ICA1: variants seen among roughly 807,000 people sequenced by gnomAD.
The protein encoded by ICA1 is 69 kDa islet cell autoantigen.
A neutral mutation model predicts 71.0 loss-of-function variants in ICA1; 40 were observed. The ratio of observed to expected loss-of-function variants is 0.56; its 90% CI spans 0.44 to 0.73. The LOEUF (loss-of-function observed/expected upper bound fraction) is 0.73, where lower values mean the gene tolerates loss of function less well. Ranked by LOEUF, ICA1 falls within the 30% of genes least tolerant of loss-of-function variation. The probability of loss-of-function intolerance (pLI) is 0.00; values close to 1 mark genes in which losing one functional copy is unlikely to be tolerated. For synonymous variants in ICA1, 207 were observed against 209.5 expected (o/e 0.99, Z 0.10); for missense variants, 578 against 576.5 (o/e 1.00, Z -0.03).
At chr7:8,190,218 G>C (rs1413487095) in intron 6 of ICA1, among the ~76,000 whole-genome samples, 1 of 147,400 alleles carries the variant, frequency 6.8e-6, no homozygotes, top group African/African-American at 2.5e-5. Flanking sequence ...GTTTCTTCCA[G>C]TTTTTTTTTT....
Position 8,113,840 on chromosome 7 carries a change from C to T in ICA1, c.*83G>A. Reference sequence around the variant, plus strand: ...AAATGGCACATAATTATTAAAACAGCATACTGATCACTTTATACTTCTGCT... The same window carrying T: ...AAATGGCACATAATTATTAAAACAGTATACTGATCACTTTATACTTCTGCT... On this transcript the variant is annotated 3_prime_UTR_variant, in exon 14 of 14. Transcript: ENST00000402384. This position sits in a 1 kb window ranked among gnomAD's most constrained non-coding sequence, Gnocchi z 4.2. 1 of 1,419,072 alleles carries T rather than the reference C, an allele frequency of 7.0e-7. No individual in the cohort carries two copies. The highest frequency in any genetic ancestry group is 1.7e-5 in the Admixed American group (1 of 58,288). 87.9% of individuals were successfully genotyped at this position (1,419,072 alleles called of 1,614,324 possible). A position where few individuals can be genotyped will look rare whatever the true frequency, so the allele number is the denominator to read the frequency against.
intron 7 of ICA1, 157 bp from the exon 8 acceptor site, chr7:8,157,371 T>G: frequency 1.4e-6 from 1 of 719,160 alleles, no homozygotes; most frequent in Non-Finnish European, 2.2e-6. Flanking sequence ...ACACTCTGTA[T>G]TTCAGCCAAA....
At chr7:8,221,616 C>T in intron 4 of ICA1, among the ~76,000 whole-genome samples, 1 of 152,204 alleles carries the variant, frequency 6.6e-6, no homozygotes, top group East Asian at 1.9e-4. Flanking sequence ...CACTTGAATA[C>T]ATCTGTCAGT....
chr7:8,214,598 C>T (rs1794813196), intron 6 of ICA1, among the ~76,000 whole-genome samples: 1 of 152,194 alleles, frequency 6.6e-6, no homozygotes, highest in South Asian at 2.1e-4. Context: ...TGGCAGGGTC[C>T]TTCTTGAAGG....
rs1779532808 is a variant in ICA1 at position 8,173,527 on chromosome 7, G to T, written c.580-14875C>A. Among the ~76,000 whole-genome samples, 1 of 152,152 alleles carries T rather than the reference G, an allele frequency of 6.6e-6. No homozygotes were observed. The highest frequency in any genetic ancestry group is 2.1e-4 in the South Asian group (1 of 4,830). On this transcript the variant is annotated intron_variant, in intron 6 of 13. Transcript: ENST00000402384. This position sits in a 1 kb window ranked among gnomAD's most constrained non-coding sequence, Gnocchi z 4.0. ...AATTCAATATTTTGACAAAGAAAAAGAAACAAACATTTATCCTGCATATCC... is the reference window on the plus strand; with the variant it reads ...AATTCAATATTTTGACAAAGAAAAATAAACAAACATTTATCCTGCATATCC...
intron 8 of ICA1, 130 bp downstream of exon 8, chr7:8,156,986 G>T (rs889242843): frequency 2.5e-6 from 4 of 1,580,416 alleles, no homozygotes; most frequent in Admixed American, 1.8e-5. Context: ...AGACTCTGCT[G>T]GGGGCACAGT....
chr7:8,215,212 A>G (rs1454135849), intron 6 of ICA1, among the ~76,000 whole-genome samples: 1 of 151,560 alleles, frequency 6.6e-6, no homozygotes, highest in East Asian at 1.9e-4. Flanking sequence ...TTCTAACCCC[A>G]TGGTCAGGGC....
chr7:8,205,124 C>A (rs1791068921), intron 6 of ICA1, among the ~76,000 whole-genome samples: 1 of 148,618 alleles, frequency 6.7e-6, no homozygotes, highest in Non-Finnish European at 1.5e-5. Context: ...CTAATTCTTT[C>A]AGCAGAGAAT....
chr7:8,150,872 G>T (rs1798556226), intron 8 of ICA1, among the ~76,000 whole-genome samples: 2 of 152,250 alleles, frequency 1.3e-5, no homozygotes, highest in Admixed American at 1.3e-4. Flanking sequence ...CCCCTGGGAA[G>T]CAGTGCATGG....
At chr7:8,230,075 T>C (rs966354580) in intron 3 of ICA1, among the ~76,000 whole-genome samples, 3 of 152,240 alleles carry the variant, frequency 2.0e-5, no homozygotes, top group African/African-American at 7.2e-5. Flanking sequence ...AACATAATCA[T>C]GCCCAAGGCA....
chr7:8,220,702 G>A (rs1029860279), intron 5 of ICA1, among the ~76,000 whole-genome samples: 2 of 152,066 alleles, frequency 1.3e-5, no homozygotes, highest in African/African-American at 2.4e-5. Flanking sequence ...CCAGAGCTTC[G>A]CAAACTTGAA....
intron 12 of ICA1, among the ~76,000 whole-genome samples, chr7:8,134,177 T>C (rs895028814): frequency 4.5e-4 from 68 of 152,186 alleles, no homozygotes; most frequent in African/African-American, 1.6e-3. Flanking sequence ...AGATGACAGA[T>C]CCATTCAGCA....
chr7:8,164,149 A>G (rs1172963777), intron 6 of ICA1, among the ~76,000 whole-genome samples: 2 of 152,010 alleles, frequency 1.3e-5, no homozygotes, highest in African/African-American at 2.4e-5. Flanking sequence ...TACTAAAAAT[A>G]CAAAAATTTG....
intron 6 of ICA1, among the ~76,000 whole-genome samples, chr7:8,200,601 A>G (rs904607179): frequency 2.6e-5 from 4 of 152,194 alleles, no homozygotes; most frequent in Non-Finnish European, 5.9e-5. Context: ...TGGGAATCAG[A>G]GATGAGACCG....
chr7:8,153,085 C>T (rs1800175349), intron 8 of ICA1, among the ~76,000 whole-genome samples: 1 of 152,178 alleles, frequency 6.6e-6, no homozygotes, highest in African/African-American at 2.4e-5. Context: ...ACCACTTTCA[C>T]AACCACTCAC....
Position 8,258,389 on chromosome 7 carries a change from C to A in ICA1, c.-80+3705G>T, listed in dbSNP as rs189465309. ...GACTTAGCAAGAGAGACAGATGATTCCCATCATGAGTGATGCAGGCCATCA... is the reference window on the plus strand; with the variant it reads ...GACTTAGCAAGAGAGACAGATGATTACCATCATGAGTGATGCAGGCCATCA... On this transcript the variant is annotated intron_variant, in intron 1 of 13. Coordinates refer to ENST00000402384, the MANE Select transcript of ICA1 (RefSeq NM_001136020.3). Among the ~76,000 whole-genome samples the A allele has an allele frequency of 5.3e-5, 8 of 152,272 alleles. No homozygotes were observed. In the East Asian group the frequency reaches 1.2e-3, roughly 22 times the overall value.
chr7:8,177,289 T>C (rs1412831609), intron 6 of ICA1, among the ~76,000 whole-genome samples: 10 of 152,238 alleles, frequency 6.6e-5, no homozygotes, highest in Admixed American at 6.5e-4. Flanking sequence ...AGTTTTTACA[T>C]TGTTCCAACA....
At chr7:8,180,719 G>C (rs1781946335) in intron 6 of ICA1, among the ~76,000 whole-genome samples, 1 of 152,040 alleles carries the variant, frequency 6.6e-6, no homozygotes, top group Non-Finnish European at 1.5e-5. Context: ...GATTGATAGT[G>C]TAAGTACCTC....
chr7:8,238,555 A>T (rs1254879528), intron 1 of ICA1, among the ~76,000 whole-genome samples: 1 of 152,156 alleles, frequency 6.6e-6, no homozygotes, highest in Non-Finnish European at 1.5e-5. Flanking sequence ...TTGATCCCTT[A>T]TCCAATATAT....
Sources: gnomAD v4.1 joint callset for allele counts (sites outside exome capture counted in the v4.1 genomes callset) on GRCh38, gnomAD v4.1.1 for gene constraint, Gnocchi (gnomAD v3.1) non-coding constraint, MANE v1.5 for transcripts, NCBI Gene and HGNC (gene_info 2026-07-23, HGNC 2026-07-21) for gene names.